QTGAL: variants seen among roughly 807,000 people sequenced by gnomAD.
The protein encoded by QTGAL is queuosine-tRNA galactosyltransferase.
At chr17:82,990,404 G>A in the QTGAL span, among the ~76,000 whole-genome samples, 1 of 152,376 alleles carries the variant, frequency 6.6e-6, no homozygotes, top group African/African-American at 2.4e-5. Flanking sequence ...ACACAGGCAA[G>A]AGACTCGCCA....
At chr17:83,024,773 A>C in the QTGAL span, among the ~76,000 whole-genome samples, 3 of 152,242 alleles carry the variant, frequency 2.0e-5, no homozygotes, top group African/African-American at 7.2e-5. Context: ...CACCTTCTGC[A>C]GCCGGACAGG....
At chr17:82,970,991 G>A in the QTGAL span, among the ~76,000 whole-genome samples, 76 of 152,212 alleles carry the variant, frequency 5.0e-4, no homozygotes, top group Non-Finnish European at 8.4e-4. Context: ...CGAGGCAGCC[G>A]GGTCCGTTCC....
chr17:82,964,079 T>C, the QTGAL span, among the ~76,000 whole-genome samples: 2 of 149,790 alleles, frequency 1.3e-5, no homozygotes, highest in African/African-American at 5.0e-5. Flanking sequence ...CTGGGCAACA[T>C]GTCGAAACCA....
the QTGAL span, among the ~76,000 whole-genome samples, chr17:83,027,564 C>T: frequency 4.0e-5 from 6 of 151,884 alleles, no homozygotes; most frequent in South Asian, 2.1e-4. Flanking sequence ...GGGCCGGGCA[C>T]GGTGGATCAT....
the QTGAL span, among the ~76,000 whole-genome samples, chr17:83,049,439 GTCT>G: frequency 7.0e-6 from 1 of 143,248 alleles, no homozygotes; most frequent in East Asian, 2.1e-4. Flanking sequence ...CTGAGATGGA[GTCT>G]CGCTCTGTCA....
At chr17:83,001,287 G>A in the QTGAL span, among the ~76,000 whole-genome samples, 24 of 152,284 alleles carry the variant, frequency 1.6e-4, no homozygotes, top group South Asian at 4.6e-3. Flanking sequence ...TGAAAGCACC[G>A]ATGGCAAATC....
At chr17:83,004,807 C>T in the QTGAL span, among the ~76,000 whole-genome samples, 2 of 151,866 alleles carry the variant, frequency 1.3e-5, no homozygotes, top group African/African-American at 2.4e-5. Context: ...CTGCCCTCTG[C>T]GGTCTGCGTG....
chr17:82,957,028 TCCC>T, the QTGAL span, among the ~76,000 whole-genome samples: 1 of 152,012 alleles, frequency 6.6e-6, no homozygotes, highest in Admixed American at 6.5e-5. Context: ...AGCGGGGTTC[TCCC>T]CCCAAGAATG....
chr17:82,970,616 C>CACCCGGCGTGGACGCGACCTCCG, the QTGAL span, among the ~76,000 whole-genome samples: 1 of 31,210 alleles, frequency 3.2e-5, no homozygotes, highest in African/African-American at 1.4e-4. Context: ...CGCGACCTCC[C>CACCCGGCGTGGACGCGACCTCCG]CACCCGGCGT....
At chr17:83,039,318 G>GCAGATTAGCTCATTTCACACCTCACAGCA in the QTGAL span, among the ~76,000 whole-genome samples, 1 of 57,348 alleles carries the variant, frequency 1.7e-5, no homozygotes, top group South Asian at 5.8e-4. Context: ...TAGACACACT[G>GCAGATTAGCTCATTTCACACCTCACAGCA]CTGGGCGCCC....
chr17:82,956,929 C>G, the QTGAL span: 5 of 1,019,214 alleles, frequency 4.9e-6, no homozygotes, highest in Non-Finnish European at 7.4e-6. This position sits in a 1 kb window ranked among gnomAD's most constrained non-coding sequence, Gnocchi z 5.7. Context: ...GTGTTCAGAG[C>G]AGGAACCCGG....
chr17:83,025,544 G>A, the QTGAL span, among the ~76,000 whole-genome samples: 1 of 45,608 alleles, frequency 2.2e-5, no homozygotes, highest in African/African-American at 7.6e-5. Flanking sequence ...CACGGACACC[G>A]CGGAGTCCAC....
At chr17:82,984,743 G>C in the QTGAL span, among the ~76,000 whole-genome samples, 3 of 152,154 alleles carry the variant, frequency 2.0e-5, no homozygotes, top group Non-Finnish European at 4.4e-5. Flanking sequence ...TTCCTTTATG[G>C]GGGCCTGAGC....
chr17:83,005,116 T>C, the QTGAL span: 1 of 1,601,162 alleles, frequency 6.2e-7, no homozygotes, highest in African/African-American at 1.3e-5. This position sits in a 1 kb window ranked among gnomAD's most constrained non-coding sequence, Gnocchi z 5.6. Context: ...GCGAGGTACC[T>C]GGGTTAGGAG....
chr17:83,002,595 C>A, the QTGAL span, among the ~76,000 whole-genome samples: 3 of 152,188 alleles, frequency 2.0e-5, no homozygotes, highest in Admixed American at 6.5e-5. Context: ...CAGCCAAGGG[C>A]CCCACAGAGG....
At chr17:83,020,529 C>CCACAAA in the QTGAL span, among the ~76,000 whole-genome samples, 2 of 152,308 alleles carry the variant, frequency 1.3e-5, no homozygotes, top group Non-Finnish European at 2.9e-5. Flanking sequence ...GACCAAAGAC[C>CCACAAA]GAGGTCTGGA....
At chr17:82,998,274 T>A in the QTGAL span, among the ~76,000 whole-genome samples, 1 of 152,148 alleles carries the variant, frequency 6.6e-6, no homozygotes, top group Non-Finnish European at 1.5e-5. Flanking sequence ...TTTAAAAAAA[T>A]TTTAAATCTA....
chr17:83,028,643 A>G, the QTGAL span, among the ~76,000 whole-genome samples: 1 of 152,306 alleles, frequency 6.6e-6, no homozygotes, highest in Non-Finnish European at 1.5e-5. Context: ...TAAGGCCGAC[A>G]GCATCAACGC....
the QTGAL span, among the ~76,000 whole-genome samples, chr17:82,976,185 A>G: frequency 1.9e-4 from 7 of 36,020 alleles, no homozygotes; most frequent in East Asian, 1.1e-3. Context: ...CCTCCCAGGG[A>G]CCAGAGGCCA....
Sources: gnomAD v4.1 joint callset for allele counts (sites outside exome capture counted in the v4.1 genomes callset) on GRCh38, gnomAD v4.1.1 for gene constraint, Gnocchi (gnomAD v3.1) non-coding constraint, MANE v1.5 for transcripts, NCBI Gene and HGNC (gene_info 2026-07-23, HGNC 2026-07-21) for gene names.